PRKG1: variants seen among roughly 807,000 people sequenced by gnomAD.
The protein encoded by PRKG1 is protein kinase cGMP-dependent 1.
In PRKG1, 35 loss-of-function variants were observed where a neutral mutation model predicts 88.1. The observed-to-expected ratio is 0.40, with a 90% confidence interval of 0.30 to 0.53. The LOEUF is 0.53. Among genes scored for constraint, PRKG1 ranks in the 20% least tolerant of loss-of-function variants. PRKG1 has a pLI of 0.59. For missense variants in PRKG1, 540 were observed against 839.8 expected (o/e 0.64, Z 4.41); for synonymous variants, 303 against 292.5 (o/e 1.04, Z -0.37).
intron 3 of PRKG1, among the ~76,000 whole-genome samples, chr10:51,510,899 A>T (rs1438684073): frequency 2.7e-5 from 4 of 146,716 alleles, no homozygotes; most frequent in African/African-American, 1.0e-4. Flanking sequence ...GCCCACCACC[A>T]CACCAGCTTA....
intron 3 of PRKG1, among the ~76,000 whole-genome samples, chr10:51,782,777 G>A (rs894965864): frequency 6.6e-6 from 1 of 152,098 alleles, no homozygotes; most frequent in Non-Finnish European, 1.5e-5. Context: ...ATCCATGTAA[G>A]ACGGGACTAG....
chr10:51,205,143 T>TC (rs1259206784), intron 2 of PRKG1, among the ~76,000 whole-genome samples: 10 of 114,194 alleles, frequency 8.8e-5, no homozygotes, highest in Non-Finnish European at 5.5e-5. Flanking sequence ...TTTTTTTTTT[T>TC]TTTTTTTTTT....
chr10:52,053,659 A>G (rs925949587), intron 5 of PRKG1, among the ~76,000 whole-genome samples: 7 of 152,176 alleles, frequency 4.6e-5, no homozygotes, highest in Admixed American at 4.6e-4. Context: ...TGCAGAAGTA[A>G]TCTTCACCCT....
At chr10:51,497,212 T>C (rs1050505970) in intron 3 of PRKG1, among the ~76,000 whole-genome samples, 1 of 152,222 alleles carries the variant, frequency 6.6e-6, no homozygotes, top group Admixed American at 6.5e-5. Context: ...TTCTTAAATT[T>C]ACAACTAATT....
chr10:51,380,512 G>C (rs1264258703), intron 2 of PRKG1, among the ~76,000 whole-genome samples: 2 of 152,156 alleles, frequency 1.3e-5, no homozygotes, highest in Non-Finnish European at 2.9e-5. Flanking sequence ...GAAAAAGTAT[G>C]AAATAGGCCT....
At chr10:51,710,401 C>T (rs1266501659) in intron 3 of PRKG1, among the ~76,000 whole-genome samples, 1 of 151,980 alleles carries the variant, frequency 6.6e-6, no homozygotes, top group Non-Finnish European at 1.5e-5. Context: ...AAGCACTGTC[C>T]CCGAATTCTA....
At chr10:51,037,940 A>G (rs1843374293) in intron 1 of PRKG1, among the ~76,000 whole-genome samples, 1 of 152,202 alleles carries the variant, frequency 6.6e-6, no homozygotes, top group Non-Finnish European at 1.5e-5. Context: ...TTAGAAATGT[A>G]TGAAACTAAC....
At chr10:51,820,913 T>G (rs1839727320) in intron 4 of PRKG1, among the ~76,000 whole-genome samples, 1 of 152,168 alleles carries the variant, frequency 6.6e-6, no homozygotes, top group African/African-American at 2.4e-5. Flanking sequence ...TACAGATCAA[T>G]GAATGTTTAC....
intron 9 of PRKG1, among the ~76,000 whole-genome samples, chr10:52,245,762 T>A (rs1046547031): frequency 8.4e-6 from 1 of 119,566 alleles, no homozygotes; most frequent in African/African-American, 4.0e-5. Context: ...TATTTATTTA[T>A]TTATTTATTT....
At chr10:52,200,855 C>G (rs1306440492) in intron 9 of PRKG1, among the ~76,000 whole-genome samples, 2 of 152,004 alleles carry the variant, frequency 1.3e-5, no homozygotes, top group Non-Finnish European at 2.9e-5. Context: ...ATGCATGTCT[C>G]TTTTGAAAAG....
intron 3 of PRKG1, among the ~76,000 whole-genome samples, chr10:51,547,262 A>C (rs963907395): frequency 2.0e-5 from 3 of 152,132 alleles, no homozygotes; most frequent in Non-Finnish European, 4.4e-5. Context: ...TATCAGTAAG[A>C]ACTTTCATTG....
At chr10:52,211,301 G>A (rs1839964522) in intron 9 of PRKG1, among the ~76,000 whole-genome samples, 1 of 152,142 alleles carries the variant, frequency 6.6e-6, no homozygotes, top group Admixed American at 6.5e-5. Flanking sequence ...ATTTTACCCA[G>A]TATTCTAACT....
At chr10:51,890,174 G>T (rs370216045) in intron 4 of PRKG1, among the ~76,000 whole-genome samples, 3 of 152,214 alleles carry the variant, frequency 2.0e-5, no homozygotes, top group Non-Finnish European at 4.4e-5. Context: ...TTTTCTTCTA[G>T]GGTTTTTATG....
intron 7 of PRKG1, among the ~76,000 whole-genome samples, chr10:52,101,071 T>C (rs1847282488): frequency 6.6e-6 from 1 of 152,212 alleles, no homozygotes; most frequent in African/African-American, 2.4e-5. Flanking sequence ...GCCATTCATA[T>C]TGATGAATCT....
intron 9 of PRKG1, among the ~76,000 whole-genome samples, chr10:52,191,806 G>A (rs1423142083): frequency 6.6e-6 from 1 of 152,148 alleles, no homozygotes; most frequent in Non-Finnish European, 1.5e-5. Flanking sequence ...ACACAATGAT[G>A]ATGATTGCCT....
chr10:51,353,168 C>G (rs1842290552), intron 2 of PRKG1, among the ~76,000 whole-genome samples: 1 of 152,008 alleles, frequency 6.6e-6, no homozygotes, highest in Non-Finnish European at 1.5e-5. Flanking sequence ...CAATTTAAAG[C>G]TAAAACCTCA....
intron 5 of PRKG1, among the ~76,000 whole-genome samples, chr10:52,024,957 G>A (rs1845294448): frequency 6.6e-6 from 1 of 152,126 alleles, no homozygotes; most frequent in African/African-American, 2.4e-5. Context: ...CAGTGTAAAA[G>A]CATTCCTATT....
intron 1 of PRKG1, among the ~76,000 whole-genome samples, chr10:51,102,080 A>G (rs954000788): frequency 6.6e-6 from 1 of 152,204 alleles, no homozygotes; most frequent in African/African-American, 2.4e-5. Flanking sequence ...ACTGCATGAC[A>G]TCACTGAATG....
At chr10:51,326,647 G>C (rs747636453) in intron 2 of PRKG1, among the ~76,000 whole-genome samples, 19 of 152,138 alleles carry the variant, frequency 1.2e-4, no homozygotes, top group Non-Finnish European at 2.8e-4. Flanking sequence ...AGATTGGCTA[G>C]AGTAAAAACA....
Sources: allele counts gnomAD v4.1 joint callset (sites outside exome capture counted in the v4.1 genomes callset), GRCh38; gene constraint gnomAD v4.1.1; transcripts MANE v1.5; gene names NCBI Gene and HGNC (gene_info 2026-07-23, HGNC 2026-07-21).